Variants in TRPM3 observed in about 807,000 individuals in gnomAD.
TRPM3 encodes the protein long transient receptor potential channel 3.
In TRPM3, 77 loss-of-function variants were observed where a neutral mutation model predicts 181.2. The ratio of observed to expected loss-of-function variants is 0.42; its 90% CI spans 0.35 to 0.51. The LOEUF (loss-of-function observed/expected upper bound fraction) is 0.51. TRPM3 is among the 20% of genes least tolerant of loss of function. The probability of loss-of-function intolerance (pLI) is 0.01; values close to 1 mark genes in which losing one functional copy is unlikely to be tolerated. For missense variants in TRPM3, 1,759 were observed against 2,196.7 expected, an observed-to-expected ratio of 0.80 and a Z score of 3.98; for synonymous variants, 745 against 796.4, an observed-to-expected ratio of 0.94 and a Z score of 1.09.
At chr9:70,686,690 CTT>C (rs2066926942) in intron 8 of TRPM3, among the ~76,000 whole-genome samples, 1 of 40,456 alleles carries the variant, frequency 2.5e-5, no homozygotes, top group Non-Finnish European at 5.2e-5. Context: ...TCCTTCTTTC[CTT>C]CCTTCCTTCC....
intron 1 of TRPM3, among the ~76,000 whole-genome samples, chr9:71,215,597 A>T (rs900908775): frequency 3.3e-5 from 5 of 152,258 alleles, no homozygotes; most frequent in Non-Finnish European, 7.3e-5. Context: ...TTGGATTACT[A>T]CTAATGAACA....
At chr9:70,970,755 C>T (rs1422333179) in intron 1 of TRPM3, among the ~76,000 whole-genome samples, 1 of 152,080 alleles carries the variant, frequency 6.6e-6, no homozygotes, top group Non-Finnish European at 1.5e-5. Flanking sequence ...TGACCACTGA[C>T]CTAATAACCA....
intron 6 of TRPM3, among the ~76,000 whole-genome samples, chr9:70,815,330 C>T (rs1459361969): frequency 6.6e-6 from 1 of 152,002 alleles, no homozygotes; most frequent in Non-Finnish European, 1.5e-5. Context: ...CATTTTATTA[C>T]TGTAAACAAT....
chr9:70,955,165 G>A (rs1462494933), intron 1 of TRPM3, among the ~76,000 whole-genome samples: 1 of 151,904 alleles, frequency 6.6e-6, no homozygotes, highest in East Asian at 1.9e-4. Context: ...TTTTATGCTC[G>A]AGGTTCTTTG....
At chr9:70,691,782 G>GA (rs2068656784) in intron 8 of TRPM3, among the ~76,000 whole-genome samples, 1 of 152,130 alleles carries the variant, frequency 6.6e-6, no homozygotes, top group South Asian at 2.1e-4. Context: ...AAAGATCAAT[G>GA]AAAAATAATT....
chr9:70,755,619 G>A (rs1298216143), intron 8 of TRPM3, among the ~76,000 whole-genome samples: 2 of 151,908 alleles, frequency 1.3e-5, no homozygotes, highest in Non-Finnish European at 2.9e-5. Context: ...CGCCTGCCTC[G>A]GCCTCCCAAA....
At chr9:70,835,792 G>A (rs2094280452) in intron 5 of TRPM3, among the ~76,000 whole-genome samples, 1 of 152,108 alleles carries the variant, frequency 6.6e-6, no homozygotes, top group Non-Finnish European at 1.5e-5. Flanking sequence ...AAGTAAATAA[G>A]AGCTGTTATT....
intron 1 of TRPM3, among the ~76,000 whole-genome samples, chr9:71,128,090 G>A (rs1220709275): frequency 6.6e-6 from 1 of 152,166 alleles, no homozygotes. Flanking sequence ...GTTTCTTCCA[G>A]TAAGAGAAGA....
At chr9:71,106,465 C>T (rs1220034577) in intron 1 of TRPM3, among the ~76,000 whole-genome samples, 1 of 152,106 alleles carries the variant, frequency 6.6e-6, no homozygotes, top group Non-Finnish European at 1.5e-5. Context: ...TGCTCCCTCT[C>T]TTTCCTTTGA....
intron 1 of TRPM3, among the ~76,000 whole-genome samples, chr9:71,156,376 GACACACACACACACACACACACAC>G (rs71507025): frequency 7.2e-6 from 1 of 138,372 alleles, no homozygotes; most frequent in Non-Finnish European, 1.6e-5. Flanking sequence ...ATATACTACA[GACACACACACACACACACACACAC>G]ACACACACAC....
chr9:70,628,839 A>T (rs1211319459), intron 12 of TRPM3, among the ~76,000 whole-genome samples: 2 of 149,570 alleles, frequency 1.3e-5, no homozygotes, highest in Non-Finnish European at 3.0e-5. Flanking sequence ...AAAAAAAAAA[A>T]AAATTAAAAT....
intron 1 of TRPM3, among the ~76,000 whole-genome samples, chr9:71,216,365 G>A (rs941553010): frequency 8.5e-5 from 13 of 152,320 alleles, no homozygotes; most frequent in African/African-American, 3.1e-4. Context: ...CTAGTTCATG[G>A]TGAGAGGCAA....
At chr9:71,440,416 T>G (rs2094120697) in intron 1 of TRPM3, among the ~76,000 whole-genome samples, 1 of 152,230 alleles carries the variant, frequency 6.6e-6, no homozygotes, top group Admixed American at 6.5e-5. Flanking sequence ...CTGGTATCTA[T>G]CCTCATGACT....
At chr9:71,087,161 C>T (rs1480199167) in intron 1 of TRPM3, among the ~76,000 whole-genome samples, 2 of 151,936 alleles carry the variant, frequency 1.3e-5, no homozygotes, top group African/African-American at 4.8e-5. Flanking sequence ...ACTTTTTAAC[C>T]CAATCTTACT....
At chr9:70,609,613 A>G (rs952606950) in intron 19 of TRPM3, among the ~76,000 whole-genome samples, 7 of 152,224 alleles carry the variant, frequency 4.6e-5, no homozygotes, top group African/African-American at 1.7e-4. Context: ...CCTGTTGGGG[A>G]CAGCCCCCCA....
chr9:70,630,152 G>T (rs184836029), intron 12 of TRPM3, among the ~76,000 whole-genome samples: 1 of 152,220 alleles, frequency 6.6e-6, no homozygotes, highest in African/African-American at 2.4e-5. Flanking sequence ...TGACCCCATA[G>T]AGGAAACAGC....
chr9:70,558,103 C>T (rs2048177090), intron 22 of TRPM3, among the ~76,000 whole-genome samples: 1 of 152,108 alleles, frequency 6.6e-6, no homozygotes, highest in Non-Finnish European at 1.5e-5. Context: ...TAAGCATCAG[C>T]CTTGGAACTT....
At chr9:71,352,140 G>A (rs774334995) in intron 1 of TRPM3, among the ~76,000 whole-genome samples, 5 of 152,154 alleles carry the variant, frequency 3.3e-5, no homozygotes, top group Admixed American at 6.6e-5. Context: ...CTCCCAAAGT[G>A]GTGGGATTAC....
intron 1 of TRPM3, among the ~76,000 whole-genome samples, chr9:71,320,661 C>T (rs569127382): frequency 6.6e-6 from 1 of 152,252 alleles, no homozygotes; most frequent in Admixed American, 6.5e-5. Context: ...TTCTTTCTCT[C>T]TGGCAATCTC....
Sources: gnomAD v4.1 joint callset for allele counts (sites outside exome capture counted in the v4.1 genomes callset) on GRCh38, gnomAD v4.1.1 for gene constraint, MANE v1.5 for transcripts, NCBI Gene and HGNC (gene_info 2026-07-23, HGNC 2026-07-21) for gene names.